The following TMEM192 variants were observed in gnomAD, a reference collection of about 807,000 sequenced individuals.
TMEM192 encodes the protein transmembrane protein 192.
TMEM192 carries 20 observed loss-of-function variants against 26.7 expected under a neutral mutation model. That is an observed-to-expected ratio of 0.75 (90% CI 0.53 to 1.09). The LOEUF is 1.09. Among genes scored for constraint, TMEM192 ranks in the 50% least tolerant of loss-of-function variants. The pLI is 0.00. For synonymous variants in TMEM192, 124 were observed against 121.0 expected, an observed-to-expected ratio of 1.02 and a Z score of -0.16; for missense variants, 304 against 322.6, an observed-to-expected ratio of 0.94 and a Z score of 0.44.
chr4:165,099,389 T>G (rs1003882504), intron 3 of TMEM192, among the ~76,000 whole-genome samples: 1 of 152,126 alleles, frequency 6.6e-6, no homozygotes, highest in East Asian at 1.9e-4. Context: ...CCCGGCCATT[T>G]ACTATAACTT....
intron 3 of TMEM192, among the ~76,000 whole-genome samples, chr4:165,093,304 C>T (rs1380446788): frequency 3.3e-5 from 5 of 151,708 alleles, no homozygotes; most frequent in African/African-American, 9.7e-5. Flanking sequence ...ACCATGTTGG[C>T]CAGACTGGTC....
At chr4:165,111,150 A>G (rs974641606) in intron 1 of TMEM192, among the ~76,000 whole-genome samples, 2 of 152,114 alleles carry the variant, frequency 1.3e-5, no homozygotes, top group African/African-American at 4.8e-5. Flanking sequence ...CCCCGGCTGG[A>G]GTGCAGTGAT....
chr4:165,107,231 G>A (rs1477710022), intron 1 of TMEM192, among the ~76,000 whole-genome samples: 3 of 151,866 alleles, frequency 2.0e-5, no homozygotes, highest in African/African-American at 7.2e-5. Context: ...CACCATGTTG[G>A]CCATGCTGGT....
At chr4:165,080,771 G>A (rs1227694986) in intron 5 of TMEM192, among the ~76,000 whole-genome samples, 1 of 152,128 alleles carries the variant, frequency 6.6e-6, no homozygotes, top group Non-Finnish European at 1.5e-5. Context: ...CTGGAGTGCA[G>A]TGGCATGATC....
chr4:165,099,079 ATT>A (rs1734979468), intron 3 of TMEM192, among the ~76,000 whole-genome samples: 1 of 143,598 alleles, frequency 7.0e-6, no homozygotes, highest in Non-Finnish European at 1.5e-5. Flanking sequence ...AAACTAAGTT[ATT>A]TACTACAACT....
chr4:165,079,677 C>T lies in TMEM192; in HGVS notation c.797G>A (p.Cys266Tyr), dbSNP rs368324061. ...AGCCTCTCACGTTCTACTTGGCTGA[C>T]AGCCCAGGTCTGAGGAAGTGAGAGC... ...LLALTSSDLG[C>Y]QPSRT Residue 266 changes from cysteine to tyrosine, a missense_variant, in exon 6 of 6, where the codon TGT becomes TAT. Cys to Tyr is a radical substitution (Grantham distance 194, BLOSUM62 -2). Coordinates refer to ENST00000306480, the MANE Select transcript of TMEM192 (RefSeq NM_001100389.2). 6.2e-7 allele frequency: 1 copy of T among 1,611,010 alleles called. No individual in the cohort carries two copies. The highest frequency in any genetic ancestry group is 8.5e-7 in the Non-Finnish European group (1 of 1,178,494).
intron 3 of TMEM192, among the ~76,000 whole-genome samples, chr4:165,091,175 G>A (rs1734753997): frequency 6.6e-6 from 1 of 152,044 alleles, no homozygotes; most frequent in Non-Finnish European, 1.5e-5. Flanking sequence ...GCTGAGGCAG[G>A]AGAATGGCCT....
In TMEM192 at chr4:165,088,477, T is replaced by C; in HGVS notation, c.565A>G (p.Ile189Val). 6.2e-7 allele frequency: 1 copy of C among 1,613,112 alleles called. No homozygotes were observed. The highest frequency in any genetic ancestry group is 1.1e-5 in the South Asian group (1 of 90,874). Residue 189 changes from isoleucine to valine, a missense_variant, in exon 4 of 6, where the codon ATT (isoleucine) becomes GTT (valine). Ile to Val is a conservative substitution (Grantham distance 29). Transcript: ENST00000306480. ...ELICSLICLL[I>V]YTVKIRRFNK... ...TCGTTGTAATTCTCACCTGTGTAAA[T>C]GAGGAGACATATCAGGGAACAGATG...
At chr4:165,090,186 G>A (rs1041651457) in intron 3 of TMEM192, among the ~76,000 whole-genome samples, 9 of 143,820 alleles carry the variant, frequency 6.3e-5, no homozygotes, top group African/African-American at 2.1e-4. Flanking sequence ...ACTCCAGCCT[G>A]GGCAACAAGA....
intron 1 of TMEM192, among the ~76,000 whole-genome samples, chr4:165,109,330 T>A (rs1173133604): frequency 6.6e-6 from 1 of 152,214 alleles, no homozygotes; most frequent in Non-Finnish European, 1.5e-5. Context: ...ACTTCTTGTA[T>A]GCTTCAGACC....
chr4:165,100,433 T>C (rs4254727), intron 3 of TMEM192, among the ~76,000 whole-genome samples, 195 bp downstream of exon 3: 150,255 of 152,292 alleles, frequency 0.99, 74,163 homozygotes, highest in East Asian at 1. Context: ...GCTGGGATTA[T>C]AGGCGTGAGC....
intron 3 of TMEM192, among the ~76,000 whole-genome samples, chr4:165,091,764 G>T (rs77255424): frequency 6.6e-6 from 1 of 152,160 alleles, no homozygotes; most frequent in South Asian, 2.1e-4. Flanking sequence ...ACTTAGGAAT[G>T]ATTTTTTGCT....
rs368172185 is a variant in TMEM192 at position 165,100,671 on chromosome 4, T to C, written c.396A>G (p.Ser132=). Residue 132 remains serine (S), a synonymous_variant, in exon 3 of 6, where the codon TCA becomes TCG. Coordinates refer to ENST00000306480, the MANE Select transcript of TMEM192 (RefSeq NM_001100389.2). ...RNRGYNLIYR[S]TRHLKRLALM... is the part of the protein sequence containing the mutation. ...ACGCAAGTCTCTTGAGATGCCTTGT[T>C]GATCGGTAGATCAAGTTATAGCCTC... 4.3e-6 allele frequency: 7 copies of C among 1,614,084 alleles called. No homozygotes were observed. The African/African-American group carries it at 8.0e-5, about 18-fold the overall frequency.
At chr4:165,111,442 T>C (rs891606699) in intron 1 of TMEM192, among the ~76,000 whole-genome samples, 1 of 152,212 alleles carries the variant, frequency 6.6e-6, no homozygotes, top group Non-Finnish European at 1.5e-5. Context: ...ATATGCATCC[T>C]AAAGCTAAAA....
intron 4 of TMEM192, among the ~76,000 whole-genome samples, chr4:165,086,227 C>A (rs971614204): frequency 1.3e-5 from 2 of 151,972 alleles, no homozygotes. Flanking sequence ...GAGTTTGAGC[C>A]CAGGAATTAA....
intron 3 of TMEM192, among the ~76,000 whole-genome samples, chr4:165,094,359 T>C (rs1734842666): frequency 6.6e-6 from 1 of 152,184 alleles, no homozygotes; most frequent in Admixed American, 6.5e-5. Context: ...TTTTAAATGA[T>C]TTTATAACCA....
intron 1 of TMEM192, among the ~76,000 whole-genome samples, chr4:165,105,710 G>T (rs896419975): frequency 2.6e-5 from 4 of 152,086 alleles, no homozygotes; most frequent in Middle Eastern, 3.2e-3. Flanking sequence ...GGCCAGGTTG[G>T]TCTTGAACTC....
chr4:165,098,273 C>T (rs560504236), intron 3 of TMEM192, among the ~76,000 whole-genome samples: 62 of 149,148 alleles, frequency 4.2e-4, no homozygotes, highest in Middle Eastern at 3.7e-3. Flanking sequence ...TACAGTTGCC[C>T]GCCACCACGT....
At chr4:165,086,420 T>TC (rs1734617907) in intron 4 of TMEM192, among the ~76,000 whole-genome samples, 1 of 4,196 alleles carries the variant, frequency 2.4e-4, no homozygotes, top group African/African-American at 3.1e-4. Flanking sequence ...CATTTACACT[T>TC]TTTTTTTTTT....
Sources: gnomAD v4.1 joint callset for allele counts (sites outside exome capture counted in the v4.1 genomes callset) on GRCh38, gnomAD v4.1.1 for gene constraint, MANE v1.5 for transcripts, NCBI Gene and HGNC (gene_info 2026-07-23, HGNC 2026-07-21) for gene names.